The following PCDHGA5 variants were observed in gnomAD, a reference collection of about 807,000 sequenced individuals.
The protein encoded by PCDHGA5 is protocadherin gamma subfamily A, 5.
In PCDHGA5, 36 loss-of-function variants were observed where a neutral mutation model predicts 56.7. That is an observed-to-expected ratio of 0.64 (90% confidence interval 0.49 to 0.84). The LOEUF (loss-of-function observed/expected upper bound fraction) is 0.84, where lower values mean the gene tolerates loss of function less well. PCDHGA5 is among the 40% of genes least tolerant of loss of function. PCDHGA5 has a pLI of 0.00. For missense variants in PCDHGA5, 1,305 were observed against 1,201.5 expected (o/e 1.09, Z -1.27); for synonymous variants, 563 against 520.2 (o/e 1.08, Z -1.12).
Position 141,364,345 on chromosome 5 carries a change from T to C in PCDHGA5, c.15T>C (p.Pro5=). The change falls in exon 1 of 4, where the codon CCT becomes CCC. Residue 5 remains proline (P), a synonymous_variant. Transcript: ENST00000518069. Reference sequence around the variant, plus strand: ...GAGAGAAGGCAATGGCGAGTCCACCTAGGGGCTGGGGCTGCGGAGAGCTGC... The same window carrying C: ...GAGAGAAGGCAATGGCGAGTCCACCCAGGGGCTGGGGCTGCGGAGAGCTGC... MASP[P]RGWGCGELLL... 1 of 1,543,088 alleles carries C rather than the reference T, an allele frequency of 6.5e-7. No homozygotes were observed. Among genetic ancestry groups the C allele is most frequent in the African/African-American group, 1.4e-5 (1 of 72,364 alleles).
chr5:141,414,434 C>A (rs774467993), intron 1 of PCDHGA5: 2 of 1,613,822 alleles, frequency 1.2e-6, no homozygotes, highest in Non-Finnish European at 8.5e-7. Flanking sequence ...GAACAGGTAT[C>A]CTCTTACAAT....
rs181480719 is a variant in PCDHGA5, at chr5:141,387,482, G to A, written c.2421+20731G>A. 5.3e-5 allele frequency among the ~76,000 whole-genome samples: 8 copies of A among 152,294 alleles called. No individual in the cohort carries two copies. The East Asian group carries it at 1.5e-3, about 29-fold the overall frequency. On this transcript the variant is annotated intron_variant, in intron 1 of 3. Coordinates refer to ENST00000518069, the MANE Select transcript of PCDHGA5 (RefSeq NM_018918.3). ...AAAAATCCTCAAAGTTGGGATGAAG[G>A]CATTCCTAAGAGTACATTTTTAGAC...
intron 2 of PCDHGA5, among the ~76,000 whole-genome samples, chr5:141,502,625 T>G (rs2099815384): frequency 6.6e-6 from 1 of 152,210 alleles, no homozygotes; most frequent in Admixed American, 6.5e-5. Context: ...ATAAGTAATC[T>G]GTGGATGATA....
intron 1 of PCDHGA5, chr5:141,413,978 T>C (rs2095697435): frequency 1.2e-6 from 2 of 1,613,414 alleles, no homozygotes; most frequent in Non-Finnish European, 8.5e-7. Flanking sequence ...CTGCTGACAG[T>C]CACAGCCACC....
intron 1 of PCDHGA5, chr5:141,415,308 C>A: frequency 6.2e-7 from 1 of 1,614,236 alleles, no homozygotes; most frequent in Non-Finnish European, 8.5e-7. Context: ...TCCTGGCCTT[C>A]GTCATCGTGC....
In PCDHGA5 at chr5:141,432,446, C is replaced by T. The variant is rs765059815; in HGVS notation, c.2422-62361C>T. The T allele has an allele frequency of 1.2e-6, 2 of 1,614,256 alleles. No individual in the cohort carries two copies. Among genetic ancestry groups the T allele is most frequent in the Non-Finnish European group, 8.5e-7 (1 of 1,180,052 alleles). On this transcript the variant is annotated intron_variant, in intron 1 of 3. Transcript: ENST00000518069. The surrounding 1 kb of genome is among the most constrained non-coding windows in gnomAD (Gnocchi z 6.0). ...CCAGAACGACAATGCGCCCGAGATC[C>T]TGTACCCCGCCCTCCCCACGGACGG...
chr5:141,421,272 G>A, intron 1 of PCDHGA5: 1 of 1,612,340 alleles, frequency 6.2e-7, no homozygotes, highest in Non-Finnish European at 8.5e-7. Context: ...GGCTGCTGCT[G>A]CTGCTGTGCA....
intron 1 of PCDHGA5, chr5:141,370,493 C>G (rs1766963233): frequency 5.6e-6 from 9 of 1,613,944 alleles, no homozygotes; most frequent in Non-Finnish European, 7.6e-6. Flanking sequence ...CCGAACCGAT[C>G]CGCTACGCTA....
Position 141,489,195 on chromosome 5 carries a change from A to G in PCDHGA5, c.2422-5612A>G, listed in dbSNP as rs200660227. ...ATTCCAAGCCCTGGGTCTACCTTGG[A>G]GACAGGACAGCACAGACTTACTCTC... is the stretch of plus-strand genomic sequence containing the variant. On this transcript the variant is annotated intron_variant, in intron 1 of 3. Transcript: ENST00000518069. This position sits in a 1 kb window ranked among gnomAD's most constrained non-coding sequence, Gnocchi z 4.5. 1.8e-5 allele frequency: 25 copies of G among 1,383,116 alleles called. No individual in the cohort carries two copies. The East Asian group carries it at 4.8e-4, about 27-fold the overall frequency. 85.7% of individuals were successfully genotyped at this position (1,383,116 alleles called of 1,614,324 possible). A position where few individuals can be genotyped will look rare whatever the true frequency, so the allele number is the denominator to read the frequency against.
intron 1 of PCDHGA5, chr5:141,403,095 T>A (rs754367041): frequency 6.2e-7 from 1 of 1,614,026 alleles, no homozygotes; most frequent in East Asian, 2.2e-5. Flanking sequence ...GTGGGCAACA[T>A]CTCCAAGGAC....
intron 1 of PCDHGA5, chr5:141,372,081 C>T: frequency 1.2e-6 from 2 of 1,613,734 alleles, no homozygotes; most frequent in Non-Finnish European, 8.5e-7. Flanking sequence ...ACCGCTGGTG[C>T]TGTACCCAGC....
intron 1 of PCDHGA5, chr5:141,390,892 G>A (rs1476434709): frequency 2.6e-5 from 4 of 152,470 alleles, no homozygotes; most frequent in East Asian, 3.8e-4. Context: ...GTGTGTGAGA[G>A]AGATCCTTTT....
At position 141,489,644 on chromosome 5, in the gene PCDHGA5, C is replaced by T. The variant is rs1244782345; in HGVS notation, c.2422-5163C>T. 11 of 1,614,070 alleles carry T rather than the reference C, an allele frequency of 6.8e-6. No individual in the cohort carries two copies. The Admixed American group carries it at 1.8e-4, about 27-fold the overall frequency. ...AATGACAACTCTCCTAGCTTTGCCA[C>T]CCCTGAGCGAGAGATGCGCATCTCA... is the stretch of plus-strand genomic sequence containing the variant. On this transcript the variant is annotated intron_variant, in intron 1 of 3. Coordinates refer to ENST00000518069, the MANE Select transcript of PCDHGA5 (RefSeq NM_018918.3). The surrounding 1 kb of genome is among the most constrained non-coding windows in gnomAD (Gnocchi z 4.5).
In PCDHGA5 at chr5:141,512,839, C is replaced by T. The variant is rs141207714; in HGVS notation, c.*1666C>T. ...GACCCCCTCCCCCGTACTGACTTCTCCTATAAGCGCTTCTCTTCGCATAGT... is the reference window on the plus strand; with the variant it reads ...GACCCCCTCCCCCGTACTGACTTCTTCTATAAGCGCTTCTCTTCGCATAGT... On this transcript the variant is annotated 3_prime_UTR_variant, in exon 4 of 4. Transcript: ENST00000518069. 278 of 152,216 alleles carry T rather than the reference C, an allele frequency of 1.8e-3. 2 individuals are homozygous for T. Among genetic ancestry groups the T allele is most frequent in the Middle Eastern group, 0.01 (3 of 292 alleles). 9.4% of individuals were successfully genotyped at this position (152,216 alleles called of 1,614,324 possible). A position where few individuals can be genotyped will look rare whatever the true frequency, so the allele number is the denominator to read the frequency against.
chr5:141,465,125 G>A (rs1003967387), intron 1 of PCDHGA5, among the ~76,000 whole-genome samples: 1 of 151,194 alleles, frequency 6.6e-6, no homozygotes, highest in Non-Finnish European at 1.5e-5. Context: ...GCCTAAATTT[G>A]TAAAAAGTTT....
intron 1 of PCDHGA5, chr5:141,421,903 G>A (rs757656265): frequency 6.2e-6 from 10 of 1,613,704 alleles, no homozygotes; most frequent in African/African-American, 1.3e-5. Flanking sequence ...CCGAAAGGGC[G>A]CAGTTCCCAT....
intron 1 of PCDHGA5, chr5:141,384,513 G>A: frequency 6.2e-7 from 1 of 1,614,200 alleles, no homozygotes; most frequent in Non-Finnish European, 8.5e-7. Context: ...ATGACAGCGG[G>A]GACCCGCCTC....
intron 1 of PCDHGA5, chr5:141,422,940 C>T (rs769630623): frequency 2.0e-5 from 32 of 1,614,124 alleles, no homozygotes; most frequent in Admixed American, 5.0e-5. Flanking sequence ...TCCCCACAGA[C>T]GGCTCCACTG....
chr5:141,423,513 G>A, intron 1 of PCDHGA5: 2 of 1,613,750 alleles, frequency 1.2e-6, no homozygotes. Context: ...CTCTCATTGC[G>A]GACTCGCAGA....
Sources: allele counts gnomAD v4.1 joint callset (sites outside exome capture counted in the v4.1 genomes callset), GRCh38; gene constraint gnomAD v4.1.1; non-coding constraint Gnocchi (gnomAD v3.1); transcripts MANE v1.5; gene names NCBI Gene and HGNC (gene_info 2026-07-23, HGNC 2026-07-21).